STYXL1: variants seen among roughly 807,000 people sequenced by gnomAD.
The protein encoded by STYXL1 is serine/threonine/tyrosine-interacting-like protein 1.
Under a neutral mutation model 36.4 loss-of-function variants are expected in STYXL1, and 32 were observed. The observed-to-expected ratio is 0.88, with a 90% CI of 0.66 to 1.18. The LOEUF (loss-of-function observed/expected upper bound fraction) is 1.18. Among genes scored for constraint, STYXL1 ranks in the 50% most tolerant of loss-of-function variants. The pLI is 0.00. For missense variants in STYXL1, 354 were observed against 394.1 expected, an observed-to-expected ratio of 0.90 and a Z score of 0.86; for synonymous variants, 133 against 144.1, an observed-to-expected ratio of 0.92 and a Z score of 0.55.
At chr7:76,009,496 C>T (rs1035966321) in intron 5 of STYXL1, among the ~76,000 whole-genome samples, 3 of 152,134 alleles carry the variant, frequency 2.0e-5, no homozygotes, top group Admixed American at 6.6e-5. Context: ...CTGCAACCTC[C>T]GCCTCCCGGG....
chr7:76,027,897 A>G (rs994036245), intron 3 of STYXL1, among the ~76,000 whole-genome samples: 1 of 152,044 alleles, frequency 6.6e-6, no homozygotes, highest in Non-Finnish European at 1.5e-5. Context: ...TGAGTCCAGG[A>G]GTTCAAGAGC....
At chr7:76,039,568 GAAGA>G (rs1243109733) in intron 1 of STYXL1, among the ~76,000 whole-genome samples, 1 of 152,170 alleles carries the variant, frequency 6.6e-6, no homozygotes, top group Non-Finnish European at 1.5e-5. Flanking sequence ...CACTGGCACA[GAAGA>G]AAGAAAGAGG....
At chr7:76,024,288 A>C (rs1164409926) in intron 3 of STYXL1, among the ~76,000 whole-genome samples, 1 of 152,088 alleles carries the variant, frequency 6.6e-6, no homozygotes, top group Non-Finnish European at 1.5e-5. Context: ...GATATTCACC[A>C]CACCCACTTT....
At chr7:76,006,800 C>A (rs193130838) in intron 5 of STYXL1, among the ~76,000 whole-genome samples, 202 of 149,170 alleles carry the variant, frequency 1.4e-3, no homozygotes, top group Middle Eastern at 3.4e-3. Flanking sequence ...ACAACAACAA[C>A]AACAAAAAAC....
In STYXL1 at chr7:76,035,957, C is replaced by T. The variant is rs150649697; in HGVS notation, c.-4-5430G>A. The stretch of plus-strand genomic sequence containing the variant: ...TGGTAAAGTGCTGGAAGGATGAGAT[C>T]GGTCCCTGAACCTAACAGCATGATT... On this transcript the variant is annotated intron_variant, in intron 1 of 8. Transcript: ENST00000359697. Among the ~76,000 whole-genome samples the T allele has an allele frequency of 1.5e-3, 218 of 149,910 alleles. 26 individuals are homozygous for T. The South Asian group carries it at 0.043, about 29-fold the overall frequency.
chr7:76,030,545 C>G lies in STYXL1; in HGVS notation c.-4-18G>C, dbSNP rs1795208488. Reference sequence around the variant, plus strand: ...GCATCCTGCTGGGAAGAATCAATAACACACAAGGGTAACATAACTCTATTT... The same window carrying G: ...GCATCCTGCTGGGAAGAATCAATAAGACACAAGGGTAACATAACTCTATTT... On this transcript the variant is annotated intron_variant, in intron 1 of 8. Coordinates refer to ENST00000359697, the MANE Select transcript of STYXL1 (RefSeq NM_001317785.2). 1 of 1,461,012 alleles carries G rather than the reference C, an allele frequency of 6.8e-7. No individual in the cohort carries two copies. The highest frequency in any genetic ancestry group is 9.6e-7 in the Non-Finnish European group (1 of 1,039,546). The allele number at this position is 1,461,012 out of a possible 1,614,324, so 90.5% of individuals were successfully genotyped here.
At chr7:76,003,386 GGAGA>G (rs1477307944) in intron 7 of STYXL1, among the ~76,000 whole-genome samples, 1 of 152,218 alleles carries the variant, frequency 6.6e-6, no homozygotes, top group East Asian at 1.9e-4. Context: ...AGGCGGGGAT[GGAGA>G]GAGATAGATT....
chr7:76,011,648 C>T (rs782580321), intron 5 of STYXL1, among the ~76,000 whole-genome samples: 12 of 152,212 alleles, frequency 7.9e-5, no homozygotes, highest in Non-Finnish European at 1.3e-4. Flanking sequence ...TGTGTTCAGA[C>T]GCTTCAATAA....
At chr7:76,026,015 A>T (rs1794661957) in intron 3 of STYXL1, among the ~76,000 whole-genome samples, 1 of 149,182 alleles carries the variant, frequency 6.7e-6, no homozygotes, top group East Asian at 2.0e-4. Flanking sequence ...ACACGGTGAA[A>T]CCCCGTCTCT....
At position 75,999,538 on chromosome 7, in the gene STYXL1, T is replaced by TGTGTGTGA. The variant is rs1554565691; in HGVS notation, c.810+1351_810+1352insTCACACAC. ...GTGTGTGTGTGTGTGTGTGTGTGTGTGTGTGTGTGTGTGTATATTTTTTTT... is the reference window on the plus strand; with the variant it reads ...GTGTGTGTGTGTGTGTGTGTGTGTGTGTGTGTGAGTGTGTGTGTGTGTATATTTTTTTT... On this transcript the variant is annotated intron_variant, in intron 8 of 8. Coordinates refer to ENST00000359697, the MANE Select transcript of STYXL1 (RefSeq NM_001317785.2). Among the ~76,000 whole-genome samples, 103 of 138,528 alleles carry TGTGTGTGA rather than the reference T, an allele frequency of 7.4e-4. 1 individual carries two copies. The highest frequency in any genetic ancestry group is 3.6e-3 in the Middle Eastern group (1 of 278). 90.9% of individuals were successfully genotyped at this position (138,528 alleles called of 152,430 possible).
chr7:76,017,879 A>AAAAAAAAAAAAAAAAAAAAAC (rs1554574526), intron 4 of STYXL1, among the ~76,000 whole-genome samples: 1 of 147,460 alleles, frequency 6.8e-6, no homozygotes, highest in African/African-American at 2.5e-5. Flanking sequence ...AAAAAAAAAA[A>AAAAAAAAAAAAAAAAAAAAAC]AAGGCAAGAC....
intron 2 of STYXL1, among the ~76,000 whole-genome samples, chr7:76,029,389 C>T (rs528564167): frequency 2.0e-5 from 3 of 152,052 alleles, no homozygotes; most frequent in South Asian, 4.2e-4. Flanking sequence ...TCAGTTGATC[C>T]GCCCACCTCG....
At position 76,013,782 on chromosome 7, in the gene STYXL1, T is replaced by C. The variant is rs1554572971; in HGVS notation, c.413A>G (p.Tyr138Cys). ...GATCTTCTGGGTCCGGAGAAAGTGGTACGTGCCTGAGAAGCGCTCATAGCC... is the reference window on the plus strand; with the variant it reads ...GATCTTCTGGGTCCGGAGAAAGTGGCACGTGCCTGAGAAGCGCTCATAGCC... ...KGGYERFSGT[Y>C]HFLRTQKIIW... Residue 138 changes from tyrosine (Y) to cysteine (C), a missense_variant, in exon 5 of 9, where the codon TAC becomes TGC. Coordinates refer to ENST00000359697, the MANE Select transcript of STYXL1 (RefSeq NM_001317785.2). The C allele has an allele frequency of 1.9e-6, 3 of 1,613,904 alleles. No homozygotes were observed. The highest frequency in any genetic ancestry group is 2.2e-5 in the South Asian group (2 of 91,082).
chr7:76,034,506 A>C (rs1258877760), intron 1 of STYXL1, among the ~76,000 whole-genome samples: 1 of 152,072 alleles, frequency 6.6e-6, no homozygotes, highest in Non-Finnish European at 1.5e-5. Flanking sequence ...AGCACTCTCC[A>C]AGCTTCCCTT....
intron 4 of STYXL1, among the ~76,000 whole-genome samples, chr7:76,021,202 C>T (rs1280646941): frequency 2.0e-5 from 3 of 152,056 alleles, no homozygotes; most frequent in Admixed American, 6.6e-5. Flanking sequence ...CTCAGCCTCC[C>T]AAGTAGCTAG....
At chr7:76,014,644 A>G (rs1421356743) in intron 4 of STYXL1, among the ~76,000 whole-genome samples, 2 of 151,938 alleles carry the variant, frequency 1.3e-5, no homozygotes, top group Non-Finnish European at 2.9e-5. Context: ...TGCTCAGCCT[A>G]AGTTAATCTT....
chr7:76,024,413 G>A (rs1420603688), intron 3 of STYXL1, among the ~76,000 whole-genome samples: 11 of 152,158 alleles, frequency 7.2e-5, no homozygotes, highest in South Asian at 4.1e-4. Flanking sequence ...GAGCCCAGGC[G>A]TTCAAGACCA....
intron 4 of STYXL1, among the ~76,000 whole-genome samples, chr7:76,017,688 C>G (rs1793542550): frequency 6.6e-6 from 1 of 150,842 alleles, no homozygotes; most frequent in East Asian, 2.0e-4. Flanking sequence ...GAGTTTGAGA[C>G]CAGCCTGGCC....
intron 8 of STYXL1, among the ~76,000 whole-genome samples, chr7:75,999,456 T>C (rs1468932548): frequency 6.6e-6 from 1 of 152,048 alleles, no homozygotes; most frequent in East Asian, 1.9e-4. Context: ...TCCTAAGCTA[T>C]ACATTTTAAA....
Sources: allele counts gnomAD v4.1 joint callset (sites outside exome capture counted in the v4.1 genomes callset), GRCh38; gene constraint gnomAD v4.1.1; transcripts MANE v1.5; gene names NCBI Gene and HGNC (gene_info 2026-07-23, HGNC 2026-07-21).